Variants in NKAIN3 observed in about 807,000 individuals in gnomAD.
NKAIN3 encodes the protein sodium/potassium-transporting ATPase subunit beta-1-interacting protein 3.
In NKAIN3, 25 loss-of-function variants were observed where a neutral mutation model predicts 30.2. The observed-to-expected ratio is 0.83, with a 90% CI of 0.60 to 1.16. The LOEUF (loss-of-function observed/expected upper bound fraction) is 1.16. Among genes scored for constraint, NKAIN3 ranks in the 50% most tolerant of loss-of-function variants. NKAIN3 has a pLI of 0.00. For synonymous variants in NKAIN3, 91 were observed against 89.6 expected (o/e 1.02, Z -0.09); for missense variants, 225 against 254.1 (o/e 0.89, Z 0.78).
At chr8:62,713,826 T>A (rs1015664580) in intron 3 of NKAIN3, among the ~76,000 whole-genome samples, 1 of 152,186 alleles carries the variant, frequency 6.6e-6, no homozygotes, top group African/African-American at 2.4e-5. Context: ...TCTGTATAAA[T>A]TTCATTAGGT....
At chr8:62,763,970 C>T (rs1035186083) in intron 4 of NKAIN3, among the ~76,000 whole-genome samples, 4 of 152,088 alleles carry the variant, frequency 2.6e-5, no homozygotes, top group South Asian at 2.1e-4. Context: ...AGGGGAGGTT[C>T]GGGCTGACAT....
chr8:62,561,147 A>G (rs964345636), intron 1 of NKAIN3, among the ~76,000 whole-genome samples: 4 of 152,090 alleles, frequency 2.6e-5, no homozygotes, highest in Admixed American at 1.3e-4. Context: ...GCACTCATTG[A>G]CATTTCTGAG....
At chr8:62,767,337 C>T (rs1020226582) in intron 4 of NKAIN3, among the ~76,000 whole-genome samples, 1 of 152,114 alleles carries the variant, frequency 6.6e-6, no homozygotes, top group African/African-American at 2.4e-5. Context: ...GATAAATTCT[C>T]ACCTCCCCTC....
At chr8:62,528,340 AATAT>A (rs144331882) in intron 1 of NKAIN3, among the ~76,000 whole-genome samples, 4 of 27,674 alleles carry the variant, frequency 1.4e-4, no homozygotes, top group Non-Finnish European at 3.2e-4. Context: ...TATATTATAT[AATAT>A]ATATATATAT....
At chr8:62,819,788 CTGGGAA>C (rs1401149360) in intron 4 of NKAIN3, among the ~76,000 whole-genome samples, 1 of 152,004 alleles carries the variant, frequency 6.6e-6, no homozygotes, top group African/African-American at 2.4e-5. Context: ...ACTTTTGACT[CTGGGAA>C]TAAGCTGATA....
At chr8:62,698,720 A>G (rs1038102109) in intron 3 of NKAIN3, among the ~76,000 whole-genome samples, 3 of 152,192 alleles carry the variant, frequency 2.0e-5, no homozygotes, top group Non-Finnish European at 4.4e-5. Context: ...GATTCAGCAT[A>G]TTCATGAATC....
intron 4 of NKAIN3, among the ~76,000 whole-genome samples, chr8:62,835,629 A>T (rs1819336407): frequency 6.6e-6 from 1 of 152,174 alleles, no homozygotes; most frequent in South Asian, 2.1e-4. Context: ...TGCAAACCAA[A>T]ACCACAATGA....
At chr8:62,288,683 A>G (rs1055602806) in intron 1 of NKAIN3, among the ~76,000 whole-genome samples, 32 of 152,202 alleles carry the variant, frequency 2.1e-4, no homozygotes, top group African/African-American at 6.3e-4. Context: ...GCTATTGTGA[A>G]TAGTGCCGCA....
intron 4 of NKAIN3, among the ~76,000 whole-genome samples, chr8:62,818,768 G>T (rs1008307022): frequency 2.0e-5 from 3 of 152,070 alleles, no homozygotes; most frequent in Non-Finnish European, 2.9e-5. Context: ...GGGAACATTT[G>T]TCTTTGTGAC....
chr8:62,661,111 A>G (rs1287459577), intron 3 of NKAIN3, among the ~76,000 whole-genome samples: 1 of 152,220 alleles, frequency 6.6e-6, no homozygotes, highest in Non-Finnish European at 1.5e-5. Flanking sequence ...AACATACATT[A>G]TTCAGTTTTT....
intron 5 of NKAIN3, 78 bp downstream of exon 5, chr8:62,918,591 T>C: frequency 1.1e-6 from 1 of 931,568 alleles, no homozygotes; most frequent in East Asian, 2.5e-5. Context: ...TACAGGGCTA[T>C]GAAATGAAAT....
intron 1 of NKAIN3, among the ~76,000 whole-genome samples, chr8:62,486,035 A>C (rs577581297): frequency 1.3e-5 from 2 of 152,298 alleles, no homozygotes; most frequent in South Asian, 4.1e-4. Flanking sequence ...TCAGGGTTAG[A>C]GATAAAAGAA....
intron 1 of NKAIN3, among the ~76,000 whole-genome samples, chr8:62,431,577 T>C (rs1297832668): frequency 6.6e-6 from 1 of 151,916 alleles, no homozygotes; most frequent in Admixed American, 6.6e-5. Context: ...TTTTGATGAA[T>C]AGAATTAAAC....
intron 1 of NKAIN3, among the ~76,000 whole-genome samples, chr8:62,484,136 A>G (rs2129601086): frequency 6.6e-6 from 1 of 152,296 alleles, no homozygotes; most frequent in Admixed American, 6.5e-5. Flanking sequence ...CCCTTCCCAC[A>G]GTGGCATTCA....
chr8:62,296,177 A>G (rs1813822702), intron 1 of NKAIN3, among the ~76,000 whole-genome samples: 1 of 152,060 alleles, frequency 6.6e-6, no homozygotes, highest in Non-Finnish European at 1.5e-5. Flanking sequence ...ATACAACAGG[A>G]CTCCTTCATA....
At chr8:62,273,109 T>G (rs1281412587) in intron 1 of NKAIN3, among the ~76,000 whole-genome samples, 1 of 152,214 alleles carries the variant, frequency 6.6e-6, no homozygotes, top group East Asian at 1.9e-4. Flanking sequence ...AAACAGATAG[T>G]AGGATATATT....
At chr8:62,483,000 C>T (rs4500073) in intron 1 of NKAIN3, 37,694 of 151,938 alleles carry the variant, frequency 0.25, 4,761 homozygotes, top group Middle Eastern at 0.33. Flanking sequence ...CAGTGCAGTA[C>T]GGGAGAAGAA....
chr8:62,905,070 C>G (rs1419305596), intron 4 of NKAIN3, among the ~76,000 whole-genome samples: 2 of 151,920 alleles, frequency 1.3e-5, no homozygotes, highest in Non-Finnish European at 2.9e-5. Flanking sequence ...TTGAAGCTGC[C>G]ATTACAGATA....
At chr8:62,951,550 G>T (rs2130894707) in intron 5 of NKAIN3, among the ~76,000 whole-genome samples, 1 of 151,812 alleles carries the variant, frequency 6.6e-6, no homozygotes, top group South Asian at 2.1e-4. Context: ...CCTCTGCCCT[G>T]TGGGCTCAAA....
Sources: gnomAD v4.1 joint callset for allele counts (sites outside exome capture counted in the v4.1 genomes callset) on GRCh38, gnomAD v4.1.1 for gene constraint, MANE v1.5 for transcripts, NCBI Gene and HGNC (gene_info 2026-07-23, HGNC 2026-07-21) for gene names.